RIC8B: variants seen among roughly 807,000 people sequenced by gnomAD.
The protein encoded by RIC8B is chaperone Ric-8B.
RIC8B carries 16 observed loss-of-function variants against 57.5 expected under a neutral mutation model. That is an observed-to-expected ratio of 0.28 (90% CI 0.19 to 0.42). The LOEUF (loss-of-function observed/expected upper bound fraction) is 0.42. Among genes scored for constraint, RIC8B ranks in the 10% least tolerant of loss-of-function variants. The probability of loss-of-function intolerance (pLI) is 1.00; values close to 1 mark genes in which losing one functional copy is unlikely to be tolerated. For synonymous variants in RIC8B, 216 were observed against 250.8 expected, an observed-to-expected ratio of 0.86 and a Z score of 1.31; for missense variants, 481 against 677.0, an observed-to-expected ratio of 0.71 and a Z score of 3.21.
intron 9 of RIC8B, among the ~76,000 whole-genome samples, chr12:106,873,995 G>A (rs561375929): frequency 9.5e-4 from 145 of 152,234 alleles, no homozygotes; most frequent in African/African-American, 3.4e-3. Context: ...TGATTAGTAC[G>A]TTATCAGATT....
intron 6 of RIC8B, among the ~76,000 whole-genome samples, chr12:106,848,532 G>A (rs916142311): frequency 6.6e-6 from 1 of 152,212 alleles, no homozygotes; most frequent in Non-Finnish European, 1.5e-5. Context: ...TTAGTCCAGA[G>A]AAATATTGGT....
At chr12:106,821,824 A>G (rs888562685) in intron 3 of RIC8B, among the ~76,000 whole-genome samples, 2 of 152,140 alleles carry the variant, frequency 1.3e-5, no homozygotes, top group Admixed American at 6.5e-5. Context: ...CACGCCTGTA[A>G]TCCCAGCACT....
chr12:106,861,154 G>A (rs1438514985), intron 8 of RIC8B, among the ~76,000 whole-genome samples: 2 of 151,942 alleles, frequency 1.3e-5, no homozygotes, highest in Non-Finnish European at 2.9e-5. Context: ...AGTTATTTGA[G>A]CTATGTTTTT....
intron 2 of RIC8B, among the ~76,000 whole-genome samples, chr12:106,803,001 G>T (rs370332419): frequency 1.3e-5 from 2 of 151,832 alleles, no homozygotes; most frequent in African/African-American, 4.8e-5. Flanking sequence ...CTTAATTAAG[G>T]CTTGGAGTTT....
At chr12:106,800,602 CAT>C (rs1027196157) in intron 2 of RIC8B, among the ~76,000 whole-genome samples, 2 of 152,284 alleles carry the variant, frequency 1.3e-5, no homozygotes, top group Admixed American at 6.5e-5. Flanking sequence ...AGAGCTTTAA[CAT>C]ATGAATCTGG....
Position 106,857,547 on chromosome 12 carries a change from T to C in RIC8B, c.1307-2721T>C, listed in dbSNP as rs144531416. On this transcript the variant is annotated intron_variant, in intron 7 of 9. Coordinates refer to ENST00000392837, the MANE Select transcript of RIC8B (RefSeq NM_001330145.2). ...TGGTGAAATATTTCTCGCAACTTTT[T>C]GACTGAATGCTGAATTGTTTCATTT... Among the ~76,000 whole-genome samples, 1,273 of 152,308 alleles carry C rather than the reference T, an allele frequency of 8.4e-3. 25 individuals are homozygous for C. The highest frequency in any genetic ancestry group is 0.029 in the African/African-American group (1,215 of 41,564).
intron 4 of RIC8B, 142 bp from the exon 5 acceptor site, chr12:106,842,447 C>T: frequency 1.6e-6 from 1 of 610,622 alleles, no homozygotes; most frequent in Non-Finnish European, 2.8e-6. Flanking sequence ...TAGTAAGTGT[C>T]AAGTGTCCAT....
chr12:106,798,667 C>T (rs915660303), intron 2 of RIC8B, among the ~76,000 whole-genome samples: 3 of 151,926 alleles, frequency 2.0e-5, no homozygotes, highest in Non-Finnish European at 4.4e-5. Flanking sequence ...TATATGAACT[C>T]TAAATCTGCT....
chr12:106,884,921 G>GT (rs1383837045), intron 9 of RIC8B, among the ~76,000 whole-genome samples: 2 of 152,130 alleles, frequency 1.3e-5, no homozygotes, highest in Non-Finnish European at 2.9e-5. Context: ...TGCCATGTGG[G>GT]TTTTTGCTTA....
At position 106,838,900 on chromosome 12, in the gene RIC8B, A is replaced by G. The variant is rs191637523; in HGVS notation, c.837-3689A>G. Among the ~76,000 whole-genome samples, 36 of 152,166 alleles carry G rather than the reference A, an allele frequency of 2.4e-4. 1 individual carries two copies. The East Asian group carries it at 6.2e-3, about 26-fold the overall frequency. On this transcript the variant is annotated intron_variant, in intron 4 of 9. Transcript: ENST00000392837. ...TTAACCAACGAAGACATGCAAACAGACAACAGGTACATGAAAAGGTACTTA... is the reference window on the plus strand; with the variant it reads ...TTAACCAACGAAGACATGCAAACAGGCAACAGGTACATGAAAAGGTACTTA...
In RIC8B at chr12:106,888,606, C is replaced by T. The variant is rs1446600283; in HGVS notation, c.*2591C>T. 6.6e-6 allele frequency: 1 copy of T among 152,534 alleles called. No homozygotes were observed. The highest frequency in any genetic ancestry group is 1.9e-4 in the East Asian group (1 of 5,188). The allele number at this position is 152,534 out of a possible 1,614,324, so 9.4% of individuals were successfully genotyped here. ...TGTGAGGAGGGTGGTCATTCTCAGG[C>T]CATTTTAAGCAATAACTATTTCAAC... On this transcript the variant is annotated 3_prime_UTR_variant, in exon 10 of 10. Coordinates refer to ENST00000392837, the MANE Select transcript of RIC8B (RefSeq NM_001330145.2).
At chr12:106,874,422 G>T (rs1247532225) in intron 9 of RIC8B, 8 of 1,273,238 alleles carry the variant, frequency 6.3e-6, no homozygotes, top group Non-Finnish European at 9.0e-6. Flanking sequence ...TAAAGGATAG[G>T]GTTGGAGGTG....
intron 2 of RIC8B, among the ~76,000 whole-genome samples, chr12:106,806,668 A>G (rs913004738): frequency 3.1e-4 from 47 of 152,000 alleles, no homozygotes; most frequent in African/African-American, 1.0e-3. Flanking sequence ...CGTCTCTACT[A>G]AAAATACAAA....
chr12:106,885,986 A>T lies in RIC8B; in HGVS notation c.1654A>T (p.Ile552Phe). 1 of 1,613,628 alleles carries T rather than the reference A, an allele frequency of 6.2e-7. No individual in the cohort carries two copies. The highest frequency in any genetic ancestry group is 8.5e-7 in the Non-Finnish European group (1 of 1,179,646). Reference sequence around the variant, plus strand: ...GGAAGCACTCAACCAGTACTCTGTCATCGAAGAGACCAGCTCTGACACAGA... The same window carrying T: ...GGAAGCACTCAACCAGTACTCTGTCTTCGAAGAGACCAGCTCTGACACAGA... ...LEEALNQYSV[I>F]EETSSDTD Residue 552 changes from isoleucine to phenylalanine, a missense_variant, in exon 10 of 10, where the codon ATC becomes TTC. Physicochemically the swap from Ile to Phe is conservative, Grantham distance 21. Transcript: ENST00000392837.
At chr12:106,813,697 T>C (rs1323066654) in intron 2 of RIC8B, among the ~76,000 whole-genome samples, 1 of 152,132 alleles carries the variant, frequency 6.6e-6, no homozygotes, top group African/African-American at 2.4e-5. Flanking sequence ...AAGAATTAAG[T>C]CTGATGATAG....
At chr12:106,873,626 G>T (rs887995690) in intron 9 of RIC8B, among the ~76,000 whole-genome samples, 1 of 152,184 alleles carries the variant, frequency 6.6e-6, no homozygotes, top group African/African-American at 2.4e-5. Context: ...CTAGGAACCT[G>T]AGGAAGATTC....
intron 2 of RIC8B, among the ~76,000 whole-genome samples, chr12:106,803,097 A>C (rs576291610): frequency 6.6e-6 from 1 of 151,024 alleles, no homozygotes; most frequent in South Asian, 2.1e-4. Context: ...CTCTATTCCT[A>C]GCTACTTGGG....
In RIC8B at chr12:106,815,300, A is replaced by C. The variant is rs1448670206; in HGVS notation, c.737A>C (p.Lys246Thr). The C allele has an allele frequency of 6.2e-7, 1 of 1,609,174 alleles. No individual in the cohort carries two copies. Among genetic ancestry groups the C allele is most frequent in the East Asian group, 2.2e-5 (1 of 44,838 alleles). ...NVTVDSWKVH[K>T]ESDSHQFRVM... ...ACGGTAGACAGTTGGAAGGTGCATA[A>C]AGAGGTAAGGTAGAGAAGGCTATTT... The change falls in exon 3 of 10, where the codon AAA (lysine) becomes ACA (threonine). Residue 246 changes from lysine (K) to threonine (T), a missense_variant. Physicochemically the swap from Lys to Thr is moderately conservative, Grantham distance 78. Around this residue, in one of 3 missense-constraint regions of RIC8B, gnomAD observed 421 missense variants for 560.9 expected, o/e 0.75. Coordinates refer to ENST00000392837, the MANE Select transcript of RIC8B (RefSeq NM_001330145.2).
chr12:106,819,343 G>T (rs2045732179), intron 3 of RIC8B, among the ~76,000 whole-genome samples: 1 of 152,126 alleles, frequency 6.6e-6, no homozygotes, highest in Non-Finnish European at 1.5e-5. Flanking sequence ...TTGTAATTAA[G>T]ATTTAACTTG....
Sources: allele counts gnomAD v4.1 joint callset (sites outside exome capture counted in the v4.1 genomes callset), GRCh38; gene constraint gnomAD v4.1.1; regional missense constraint gnomAD v4.1.1; transcripts MANE v1.5; gene names NCBI Gene and HGNC (gene_info 2026-07-23, HGNC 2026-07-21).